TLK2: variants seen among roughly 807,000 people sequenced by gnomAD.
TLK2 encodes tousled like kinase 2, also known as serine/threonine-protein kinase tousled-like 2.
A neutral mutation model predicts 117.3 loss-of-function variants in TLK2; 6 were observed. The observed-to-expected ratio is 0.05, with a 90% CI of 0.03 to 0.10. The LOEUF (loss-of-function observed/expected upper bound fraction) is 0.10, where lower values mean the gene tolerates loss of function less well. Ranked by LOEUF, TLK2 falls within the 10% of genes least tolerant of loss-of-function variation. The pLI, the probability that TLK2 is intolerant of heterozygous loss-of-function variation, is 1.00. For missense variants in TLK2, 299 were observed against 901.2 expected (o/e 0.33, Z 8.56); for synonymous variants, 257 against 316.7 (o/e 0.81, Z 2.00).
At chr17:62,517,105 A>T (rs1474662943) in intron 2 of TLK2, among the ~76,000 whole-genome samples, 1 of 151,946 alleles carries the variant, frequency 6.6e-6, no homozygotes, top group Non-Finnish European at 1.5e-5. Flanking sequence ...TGGGTTCGCC[A>T]TGTTGGCCAG....
intron 3 of TLK2, among the ~76,000 whole-genome samples, chr17:62,521,905 T>A (rs935629062): frequency 1.3e-5 from 2 of 152,178 alleles, no homozygotes; most frequent in Admixed American, 6.5e-5. Flanking sequence ...TGGTGGACAT[T>A]TGTCCTACAT....
chr17:62,609,922 G>A (rs2083606555), intron 21 of TLK2, among the ~76,000 whole-genome samples: 1 of 152,090 alleles, frequency 6.6e-6, no homozygotes, highest in South Asian at 2.1e-4. Context: ...GTGAGACCCT[G>A]TCTCAAAAAA....
intron 13 of TLK2, 131 bp from the exon 14 acceptor site, chr17:62,578,346 A>G (rs2080969008): frequency 1.4e-6 from 1 of 703,320 alleles, no homozygotes; most frequent in South Asian, 1.7e-5. Flanking sequence ...AAATTCTTAA[A>G]GAAATCTTTC....
intron 11 of TLK2, among the ~76,000 whole-genome samples, chr17:62,567,624 C>G (rs567659521): frequency 1.1e-4 from 16 of 152,258 alleles, no homozygotes; most frequent in African/African-American, 3.9e-4. Context: ...AAGGCTATAT[C>G]TAATAGCCTC....
chr17:62,548,221 T>C (rs2078094494), intron 7 of TLK2, among the ~76,000 whole-genome samples: 1 of 148,958 alleles, frequency 6.7e-6, no homozygotes. Context: ...TTACTTATCA[T>C]TGGGCCATAT....
intron 9 of TLK2, among the ~76,000 whole-genome samples, chr17:62,554,405 C>T (rs961369101): frequency 2.6e-5 from 4 of 151,942 alleles, no homozygotes; most frequent in African/African-American, 9.7e-5. Context: ...TAAAAAGAAA[C>T]CCTGTCTCTA....
At chr17:62,593,232 T>C (rs2082207950) in intron 16 of TLK2, among the ~76,000 whole-genome samples, 1 of 152,190 alleles carries the variant, frequency 6.6e-6, no homozygotes, top group Non-Finnish European at 1.5e-5. Flanking sequence ...GTACCATTAA[T>C]AGAATTTGCA....
At chr17:62,574,975 G>A (rs1041056999) in intron 12 of TLK2, among the ~76,000 whole-genome samples, 3 of 152,154 alleles carry the variant, frequency 2.0e-5, no homozygotes, top group Non-Finnish European at 4.4e-5. Flanking sequence ...GATTGTCCAG[G>A]CTAATTAATC....
chr17:62,486,970 T>C (rs2598160), intron 2 of TLK2, among the ~76,000 whole-genome samples: 1 of 152,240 alleles, frequency 6.6e-6, no homozygotes, highest in Non-Finnish European at 1.5e-5. Flanking sequence ...GTAATTATTC[T>C]ATTTAATACA....
intron 2 of TLK2, among the ~76,000 whole-genome samples, chr17:62,517,248 C>T (rs1460622142): frequency 6.6e-6 from 1 of 151,994 alleles, no homozygotes; most frequent in African/African-American, 2.4e-5. Context: ...CATTGAATAG[C>T]CTTGGCACCT....
In TLK2 at chr17:62,615,066, T is replaced by G. The variant is rs1420613953; in HGVS notation, c.*2501T>G. 6.6e-6 allele frequency: 1 copy of G among 152,198 alleles called. No individual in the cohort carries two copies. The highest frequency in any genetic ancestry group is 1.5e-5 in the Non-Finnish European group (1 of 68,036). The allele number at this position is 152,198 out of a possible 1,614,324, so 9.4% of individuals were successfully genotyped here. A position where few individuals can be genotyped will look rare whatever the true frequency, so the allele number is the denominator to read the frequency against. On this transcript the variant is annotated 3_prime_UTR_variant, in exon 22 of 22. Transcript: ENST00000346027. The stretch of plus-strand genomic sequence containing the variant: ...TTCCCCGTGGGCTTTTAAGTGAAGC[T>G]GCAGGATTTTATCTTTCAATCTGCC...
intron 3 of TLK2, among the ~76,000 whole-genome samples, 182 bp downstream of exon 3, chr17:62,521,026 G>T (rs1232702244): frequency 2.0e-5 from 3 of 152,134 alleles, no homozygotes; most frequent in Non-Finnish European, 4.4e-5. Context: ...ACTTAGCAGG[G>T]TGTGGTGGTA....
intron 15 of TLK2, 133 bp downstream of exon 15, chr17:62,580,325 A>G (rs1362804724): frequency 1.6e-5 from 9 of 577,062 alleles, no homozygotes; most frequent in Non-Finnish European, 2.3e-5. Flanking sequence ...AAAAACCTGT[A>G]TCTTTGGGAA....
intron 7 of TLK2, 49 bp downstream of exon 7, chr17:62,536,386 C>T: frequency 1.3e-6 from 2 of 1,537,672 alleles, no homozygotes; most frequent in Non-Finnish European, 1.8e-6. Context: ...TGCCCTAGTG[C>T]TCCTTGATGA....
rs185457147 is a variant in TLK2 at position 62,505,741 on chromosome 17, G to A, written c.82-15032G>A. ...TTATTGTTATACCAATTCCAGGCTGGAGCGCAGTGGTGCGATCAAGGCTGA... is the reference window on the plus strand; with the variant it reads ...TTATTGTTATACCAATTCCAGGCTGAAGCGCAGTGGTGCGATCAAGGCTGA... On this transcript the variant is annotated intron_variant, in intron 2 of 21. Coordinates refer to ENST00000346027, the MANE Select transcript of TLK2 (RefSeq NM_006852.6). Among the ~76,000 whole-genome samples, 15 of 152,170 alleles carry A rather than the reference G, an allele frequency of 9.9e-5. 1 individual carries two copies. The East Asian group carries it at 2.7e-3, about 27-fold the overall frequency.
intron 21 of TLK2, chr17:62,612,122 A>G (rs2083835767): frequency 3.4e-6 from 1 of 298,006 alleles, no homozygotes; most frequent in African/African-American, 2.2e-5. Flanking sequence ...AGGAGTATTT[A>G]GAGGTCATGC....
intron 15 of TLK2, 43 bp from the exon 16 acceptor site, chr17:62,586,092 T>G: frequency 1.3e-6 from 2 of 1,486,166 alleles, no homozygotes; most frequent in Non-Finnish European, 1.8e-6. Context: ...TACCTGTAAT[T>G]TTTCTTAACA....
intron 14 of TLK2, among the ~76,000 whole-genome samples, chr17:62,579,291 TCC>T (rs2081043094): frequency 6.6e-6 from 1 of 152,156 alleles, no homozygotes; most frequent in Non-Finnish European, 1.5e-5. Flanking sequence ...TCTCATTTAA[TCC>T]GCAGGATAAC....
intron 7 of TLK2, among the ~76,000 whole-genome samples, chr17:62,548,514 C>A (rs533708559): frequency 6.6e-6 from 1 of 151,970 alleles, no homozygotes; most frequent in East Asian, 1.9e-4. Flanking sequence ...AACTCCTGAC[C>A]TCATGATCTG....
Sources: gnomAD v4.1 joint callset for allele counts (sites outside exome capture counted in the v4.1 genomes callset) on GRCh38, gnomAD v4.1.1 for gene constraint, MANE v1.5 for transcripts, NCBI Gene and HGNC (gene_info 2026-07-23, HGNC 2026-07-21) for gene names.